The following MLIP variants were observed in gnomAD, a reference collection of about 807,000 sequenced individuals.
The protein encoded by MLIP is muscular LMNA-interacting protein.
A neutral mutation model predicts 84.8 loss-of-function variants in MLIP; 79 were observed. The observed-to-expected ratio is 0.93, with a 90% CI of 0.78 to 1.12. The LOEUF is 1.12. MLIP is among the 50% of genes most tolerant of loss of function. The pLI is 0.00. For synonymous variants in MLIP, 504 were observed against 463.0 expected (o/e 1.09, Z -1.14); for missense variants, 1,257 against 1,160.6 (o/e 1.08, Z -1.21).
At chr6:54,142,100 G>A (rs926525211) in intron 4 of MLIP, among the ~76,000 whole-genome samples, 1 of 152,214 alleles carries the variant, frequency 6.6e-6, no homozygotes, top group African/African-American at 2.4e-5. Flanking sequence ...TGGAAAATGA[G>A]CAATATGGAA....
At chr6:54,043,622 A>G (rs1402644952) in intron 1 of MLIP, among the ~76,000 whole-genome samples, 2 of 152,214 alleles carry the variant, frequency 1.3e-5, no homozygotes, top group Non-Finnish European at 2.9e-5. Flanking sequence ...CAGCCTGCTC[A>G]GAATTAACAC....
At chr6:54,199,575 T>A (rs1271275755) in intron 10 of MLIP, among the ~76,000 whole-genome samples, 1 of 152,130 alleles carries the variant, frequency 6.6e-6, no homozygotes, top group Non-Finnish European at 1.5e-5. Context: ...CTTGTTAGTA[T>A]ACCAAGGTTT....
intron 10 of MLIP, among the ~76,000 whole-genome samples, chr6:54,194,016 C>G (rs1778122821): frequency 6.6e-6 from 1 of 152,176 alleles, no homozygotes; most frequent in Non-Finnish European, 1.5e-5. Context: ...AAAATGTTCA[C>G]TGTTGTCCAG....
chr6:54,157,497 G>T (rs1380662626), intron 5 of MLIP, among the ~76,000 whole-genome samples: 2 of 152,098 alleles, frequency 1.3e-5, no homozygotes, highest in Admixed American at 6.6e-5. Context: ...AACCAGGGGT[G>T]CATTACTCTC....
At chr6:54,254,334 C>A (rs1782847279) in intron 12 of MLIP, among the ~76,000 whole-genome samples, 2 of 151,838 alleles carry the variant, frequency 1.3e-5, no homozygotes, top group South Asian at 4.2e-4. Flanking sequence ...ACCATGTTGG[C>A]CAGGCTGGTT....
chr6:54,179,298 G>A (rs1776612139), intron 9 of MLIP, among the ~76,000 whole-genome samples: 1 of 151,982 alleles, frequency 6.6e-6, no homozygotes, highest in African/African-American at 2.4e-5. Flanking sequence ...ATGTTTATAG[G>A]CTAAGTGTGT....
chr6:54,104,219 A>G (rs1044171956), intron 1 of MLIP, among the ~76,000 whole-genome samples: 1 of 152,170 alleles, frequency 6.6e-6, no homozygotes, highest in African/African-American at 2.4e-5. Context: ...AAATCAGATT[A>G]TGCCAAAATC....
At chr6:54,036,919 T>C (rs991241974) in intron 1 of MLIP, among the ~76,000 whole-genome samples, 1 of 152,066 alleles carries the variant, frequency 6.6e-6, no homozygotes, top group Non-Finnish European at 1.5e-5. Flanking sequence ...TAATACTTCA[T>C]AACTGGGGTG....
At chr6:54,183,966 C>G (rs1282025180) in intron 9 of MLIP, among the ~76,000 whole-genome samples, 1 of 151,990 alleles carries the variant, frequency 6.6e-6, no homozygotes, top group Non-Finnish European at 1.5e-5. Flanking sequence ...TGACCAGTGC[C>G]TTATGTACAA....
chr6:54,109,961 C>T (rs1353003450), upstream of MLIP, among the ~76,000 whole-genome samples: 1 of 118,348 alleles, frequency 8.4e-6, no homozygotes, highest in African/African-American at 3.4e-5. Flanking sequence ...TCCTTCCTTC[C>T]TTCCTTCCTT....
chr6:54,061,051 T>C (rs2150332126), intron 1 of MLIP, among the ~76,000 whole-genome samples: 1 of 152,038 alleles, frequency 6.6e-6, no homozygotes, highest in Non-Finnish European at 1.5e-5. Flanking sequence ...TCATAGTTGA[T>C]GTGGACAATG....
At chr6:54,034,802 G>A (rs1406070293) in intron 1 of MLIP, among the ~76,000 whole-genome samples, 2 of 152,242 alleles carry the variant, frequency 1.3e-5, no homozygotes, top group African/African-American at 2.4e-5. Context: ...CTACAGTAGT[G>A]TAGAGTAATG....
At chr6:54,180,767 G>A (rs1457477350) in intron 9 of MLIP, among the ~76,000 whole-genome samples, 4 of 152,108 alleles carry the variant, frequency 2.6e-5, no homozygotes, top group Non-Finnish European at 5.9e-5. Context: ...ATTTCTTTGA[G>A]TAGTCTCAAC....
At chr6:54,130,195 T>C (rs548898590) in intron 3 of MLIP, among the ~76,000 whole-genome samples, 1 of 152,268 alleles carries the variant, frequency 6.6e-6, no homozygotes, top group South Asian at 2.1e-4. Context: ...TTATTTCCTC[T>C]GGGTGGGTTA....
chr6:54,222,050 A>G (rs1444086306), intron 11 of MLIP, among the ~76,000 whole-genome samples: 1 of 152,000 alleles, frequency 6.6e-6, no homozygotes, highest in East Asian at 1.9e-4. Flanking sequence ...TACTTTTTTT[A>G]TTCTCTAACT....
intron 12 of MLIP, among the ~76,000 whole-genome samples, chr6:54,231,260 T>G (rs1295754781): frequency 6.6e-6 from 1 of 152,180 alleles, no homozygotes; most frequent in Non-Finnish European, 1.5e-5. Context: ...TAGTTCAGTG[T>G]TCCTAAAAAG....
At chr6:54,154,815 T>C (rs9382297) in intron 5 of MLIP, among the ~76,000 whole-genome samples, 1,666 of 152,232 alleles carry the variant, frequency 0.011, 32 homozygotes, top group African/African-American at 0.035. Context: ...CTGAGATGAC[T>C]TGAGAGAGTG....
intron 1 of MLIP, among the ~76,000 whole-genome samples, chr6:54,092,162 A>G (rs906773880): frequency 3.3e-5 from 5 of 152,258 alleles, no homozygotes; most frequent in Admixed American, 6.5e-5. Flanking sequence ...TTTTCATTCA[A>G]TTTATCACAC....
At chr6:54,196,609 A>G (rs755611660) in intron 10 of MLIP, among the ~76,000 whole-genome samples, 4 of 152,002 alleles carry the variant, frequency 2.6e-5, no homozygotes, top group Non-Finnish European at 4.4e-5. Context: ...GGTTGATTCC[A>G]TGTCTTTGCA....
Sources: gnomAD v4.1 joint callset for allele counts (sites outside exome capture counted in the v4.1 genomes callset) on GRCh38, gnomAD v4.1.1 for gene constraint, MANE v1.5 for transcripts, NCBI Gene and HGNC (gene_info 2026-07-23, HGNC 2026-07-21) for gene names.